Variants in CUX1 observed in about 807,000 individuals in gnomAD.
CUX1 encodes the protein protein CASP.
In CUX1, 31 loss-of-function variants were observed where a neutral mutation model predicts 158.8. The ratio of observed to expected loss-of-function variants is 0.20; its 90% CI spans 0.15 to 0.26. The LOEUF is 0.26. Ranked by LOEUF, CUX1 falls within the 10% of genes least tolerant of loss-of-function variation. The probability of loss-of-function intolerance (pLI) is 1.00; values close to 1 mark genes in which losing one functional copy is unlikely to be tolerated. For synonymous variants in CUX1, 879 were observed against 862.1 expected, an observed-to-expected ratio of 1.02 and a Z score of -0.34; for missense variants, 1,589 against 2,014.6, an observed-to-expected ratio of 0.79 and a Z score of 4.04.
chr7:101,998,805 A>G (rs1816302269), intron 2 of CUX1, among the ~76,000 whole-genome samples: 1 of 152,158 alleles, frequency 6.6e-6, no homozygotes. Flanking sequence ...TCCTCCCTCT[A>G]AACGTCAGTG....
intron 9 of CUX1, 147 bp from the exon 10 acceptor site, chr7:102,170,299 G>C (rs1217118226): frequency 1.6e-6 from 1 of 614,350 alleles, no homozygotes; most frequent in African/African-American, 1.9e-5. Flanking sequence ...ATCACATTCT[G>C]TGTTTTTTTT....
chr7:102,028,030 C>G, intron 2 of CUX1, 68 bp from the exon 3 acceptor site: 1 of 1,571,420 alleles, frequency 6.4e-7, no homozygotes, highest in South Asian at 1.1e-5. Flanking sequence ...TTTAGGAGGC[C>G]TTAACCAATG....
chr7:101,846,207 T>A (rs1795670150), intron 1 of CUX1, among the ~76,000 whole-genome samples: 1 of 152,212 alleles, frequency 6.6e-6, no homozygotes, highest in African/African-American at 2.4e-5. Flanking sequence ...CTCCCTTATC[T>A]TCCAAGTTGA....
rs1554538464 is a variant in CUX1, at chr7:102,248,985, C to T, written c.4461C>T (p.Ile1487=). 7.0e-7 allele frequency: 1 copy of T among 1,436,856 alleles called. No individual in the cohort carries two copies. The highest frequency in any genetic ancestry group is 1.9e-4 in the Middle Eastern group (1 of 5,314). 89.0% of individuals were successfully genotyped at this position (1,436,856 alleles called of 1,614,324 possible). ...RKKKAANLNS[I]IHRLEKAASR... ...AGAAGGCCGCGAACTTGAACAGCAT[C>T]ATCCACCGCCTGGAGAAGGCCGCCA... is the stretch of plus-strand genomic sequence containing the variant. Residue 1487 remains isoleucine, a synonymous_variant, in exon 24 of 24, where the codon ATC becomes ATT. Coordinates refer to ENST00000292535, the MANE Select transcript of CUX1 (RefSeq NM_181552.4). This position sits in a 1 kb window ranked among gnomAD's most constrained non-coding sequence, Gnocchi z 5.8.
At chr7:101,963,417 G>A (rs1449342831) in intron 2 of CUX1, among the ~76,000 whole-genome samples, 1 of 152,078 alleles carries the variant, frequency 6.6e-6, no homozygotes, top group Non-Finnish European at 1.5e-5. Context: ...TCCCGTCCCC[G>A]GGCTGCACCC....
rs551610997 is a variant in CUX1 at position 102,070,297 on chromosome 7, T to C, written c.190-42T>C. On this transcript the variant is annotated intron_variant, in intron 3 of 23. Transcript: ENST00000292535. ...TTGTAAATTACCTCTTGACAAATGT[T>C]GAGCTCTTTGTTTTTCTTTTCTTTC... 3.6e-4 allele frequency: 549 copies of C among 1,528,002 alleles called. 8 individuals are homozygous for C. In the South Asian group the frequency reaches 5.9e-3, roughly 17 times the overall value. The allele number at this position is 1,528,002 out of a possible 1,614,324, so 94.7% of individuals were successfully genotyped here.
At chr7:102,258,817 G>C (rs1790161057), downstream of CUX1, among the ~76,000 whole-genome samples, 1 of 152,240 alleles carries the variant, frequency 6.6e-6, no homozygotes, top group South Asian at 2.1e-4. Context: ...AAAGGCACCA[G>C]TTAATGCTTG....
At chr7:101,957,334 G>A (rs921436902) in intron 2 of CUX1, among the ~76,000 whole-genome samples, 3 of 152,214 alleles carry the variant, frequency 2.0e-5, no homozygotes, top group African/African-American at 7.2e-5. Flanking sequence ...CTTTTTCTAA[G>A]TCTTAGCAGG....
chr7:102,274,261 C>T, exon 16 of CUX1: 2 of 1,613,680 alleles, frequency 1.2e-6, no homozygotes, highest in Non-Finnish European at 8.5e-7. Context: ...CTGAGCACCG[C>T]CTGGAGAAGA....
At chr7:102,101,199 T>C (rs980816035) in intron 5 of CUX1, among the ~76,000 whole-genome samples, 10 of 152,162 alleles carry the variant, frequency 6.6e-5, no homozygotes, top group Admixed American at 6.5e-4. Context: ...ATCTAAACTA[T>C]ATCAGGTACA....
intron 12 of CUX1, among the ~76,000 whole-genome samples, chr7:102,191,998 C>A (rs1009695061): frequency 6.6e-6 from 1 of 152,178 alleles, no homozygotes; most frequent in African/African-American, 2.4e-5. Flanking sequence ...CTTTCTGTTG[C>A]GTCCGCACAT....
rs1554533986 is a variant in CUX1 at position 102,239,370 on chromosome 7, C to A, written c.3673C>A (p.Pro1225Thr). 2 of 1,612,566 alleles carry A rather than the reference C, an allele frequency of 1.2e-6. No homozygotes were observed. The highest frequency in any genetic ancestry group is 1.7e-6 in the Non-Finnish European group (2 of 1,179,634). The part of the protein sequence containing the change: ...SSVSDSQPCE[P>T]PSVGTEYSQG... ...AGTCAGTGACAGCCAGCCCTGCGAACCGCCCTCTGTCGGCACCGAGTACAG... is the reference window on the plus strand; with the variant it reads ...AGTCAGTGACAGCCAGCCCTGCGAAACGCCCTCTGTCGGCACCGAGTACAG... Residue 1225 changes from proline (P) to threonine (T), a missense_variant, in exon 23 of 24, where the codon CCG becomes ACG. Coordinates refer to ENST00000292535, the MANE Select transcript of CUX1 (RefSeq NM_181552.4).
intron 3 of CUX1, among the ~76,000 whole-genome samples, chr7:102,049,790 G>A (rs1252278679): frequency 6.6e-6 from 1 of 152,212 alleles, no homozygotes; most frequent in Non-Finnish European, 1.5e-5. Flanking sequence ...CCGCAGGCCT[G>A]CCCTGGGAAA....
chr7:102,170,584 C>T (rs1389604937), intron 10 of CUX1, 34 bp downstream of exon 10: 8 of 1,460,728 alleles, frequency 5.5e-6, no homozygotes, highest in African/African-American at 2.8e-5. Flanking sequence ...GGACTGTCCC[C>T]GCCTGGCCTC....
intron 1 of CUX1, among the ~76,000 whole-genome samples, chr7:101,827,936 G>C (rs893609188): frequency 6.6e-6 from 1 of 151,678 alleles, no homozygotes; most frequent in African/African-American, 2.4e-5. Flanking sequence ...GCAGGTGGAG[G>C]GGGAGTCGGG....
chr7:102,247,704 C>T (rs1232360873), intron 23 of CUX1, among the ~76,000 whole-genome samples: 5 of 152,144 alleles, frequency 3.3e-5, no homozygotes, highest in African/African-American at 1.2e-4. Context: ...AGTTGTGGTC[C>T]TAGCTACTCA....
chr7:102,035,405 G>C (rs1821313853), intron 3 of CUX1, among the ~76,000 whole-genome samples: 1 of 152,046 alleles, frequency 6.6e-6, no homozygotes, highest in Middle Eastern at 3.2e-3. Flanking sequence ...TATATTTAAA[G>C]TAGGCTAAGC....
chr7:102,019,223 C>G (rs1023061793), intron 2 of CUX1, among the ~76,000 whole-genome samples: 5 of 149,780 alleles, frequency 3.3e-5, no homozygotes, highest in Non-Finnish European at 7.4e-5. Context: ...TCAGACAAGT[C>G]TTTTTTTGTT....
chr7:102,210,375 G>A (rs543299791), intron 20 of CUX1, among the ~76,000 whole-genome samples: 2 of 152,120 alleles, frequency 1.3e-5, no homozygotes, highest in East Asian at 3.8e-4. Context: ...AGGATTACAG[G>A]TGTAAGTCAC....
Sources: allele counts gnomAD v4.1 joint callset (sites outside exome capture counted in the v4.1 genomes callset), GRCh38; gene constraint gnomAD v4.1.1; non-coding constraint Gnocchi (gnomAD v3.1); transcripts MANE v1.5; gene names NCBI Gene and HGNC (gene_info 2026-07-23, HGNC 2026-07-21).